RAP1GDS1: variants seen among roughly 807,000 people sequenced by gnomAD.
RAP1GDS1 encodes Rap1 GTPase-GDP dissociation stimulator 1.
In RAP1GDS1, 35 loss-of-function variants were observed where a neutral mutation model predicts 71.1. That is an observed-to-expected ratio of 0.49 (90% CI 0.38 to 0.65). The LOEUF is 0.65. Among genes scored for constraint, RAP1GDS1 ranks in the 30% least tolerant of loss-of-function variants. RAP1GDS1 has a pLI of 0.00. For synonymous variants in RAP1GDS1, 229 were observed against 243.1 expected, an observed-to-expected ratio of 0.94 and a Z score of 0.54; for missense variants, 663 against 706.1, an observed-to-expected ratio of 0.94 and a Z score of 0.69.
chr4:98,441,653 G>A, intron 14 of RAP1GDS1: 1 of 964,126 alleles, frequency 1.0e-6, no homozygotes, highest in Non-Finnish European at 1.2e-6. Context: ...TGTCATCCCA[G>A]CTACTTGGGA....
At chr4:98,416,017 A>G (rs1439745389) in intron 7 of RAP1GDS1, among the ~76,000 whole-genome samples, 1 of 151,988 alleles carries the variant, frequency 6.6e-6, no homozygotes, top group East Asian at 1.9e-4. Context: ...CCTGGCCTCA[A>G]GCAATCTTCC....
At position 98,391,976 on chromosome 4, in the gene RAP1GDS1, A is replaced by G. The variant is rs371029565; in HGVS notation, c.533A>G (p.Asn178Ser). Residue 178 changes from asparagine (N) to serine (S), a missense_variant, in exon 6 of 15, where the codon AAT (asparagine) becomes AGT (serine). By Grantham distance (46) the Asn-to-Ser change is conservative. Coordinates refer to ENST00000408927, the MANE Select transcript of RAP1GDS1 (RefSeq NM_001100427.2). ...ENDSLQAQLINMGVIPTLVKL... is the reference protein window; with the variant it reads ...ENDSLQAQLISMGVIPTLVKL... Reference sequence around the variant, plus strand: ...GATTCGCTTCAAGCTCAGCTTATCAATATGGGTGTTATTCCTACCTTAGTG... The same window carrying G: ...GATTCGCTTCAAGCTCAGCTTATCAGTATGGGTGTTATTCCTACCTTAGTG... 2.1e-4 allele frequency: 337 copies of G among 1,609,216 alleles called. No homozygotes were observed. The highest frequency in any genetic ancestry group is 2.8e-4 in the Non-Finnish European group (327 of 1,177,626).
At chr4:98,359,380 A>G (rs1333823483) in intron 4 of RAP1GDS1, among the ~76,000 whole-genome samples, 1 of 152,198 alleles carries the variant, frequency 6.6e-6, no homozygotes, top group Non-Finnish European at 1.5e-5. Flanking sequence ...AGAGAATAAA[A>G]GACAGAAGAT....
At chr4:98,434,803 T>G (rs1750927397) in intron 13 of RAP1GDS1, among the ~76,000 whole-genome samples, 1 of 152,026 alleles carries the variant, frequency 6.6e-6, no homozygotes, top group Non-Finnish European at 1.5e-5. Context: ...GTATGTTTTG[T>G]AGAGACAGGG....
chr4:98,274,437 T>G (rs1230230301), intron 1 of RAP1GDS1, among the ~76,000 whole-genome samples: 2 of 152,146 alleles, frequency 1.3e-5, no homozygotes, highest in African/African-American at 2.4e-5. Context: ...TAAATTAATG[T>G]TTTCCCTACT....
intron 1 of RAP1GDS1, 115 bp from the exon 2 acceptor site, chr4:98,293,293 G>T (rs936904461): frequency 4.5e-6 from 3 of 659,690 alleles, no homozygotes; most frequent in Non-Finnish European, 7.7e-6. Flanking sequence ...GTACGTGGAG[G>T]TTAATTTGCT....
At chr4:98,310,122 T>C (rs1026651329) in intron 2 of RAP1GDS1, among the ~76,000 whole-genome samples, 1 of 152,104 alleles carries the variant, frequency 6.6e-6, no homozygotes, top group Non-Finnish European at 1.5e-5. Flanking sequence ...TATACAGTTA[T>C]ATCATGCTTT....
intron 2 of RAP1GDS1, among the ~76,000 whole-genome samples, chr4:98,295,258 G>A (rs532661331): frequency 6.6e-6 from 1 of 152,186 alleles, no homozygotes; most frequent in African/African-American, 2.4e-5. Context: ...GTGAAATTGT[G>A]TATCACAAAA....
chr4:98,272,261 C>T (rs957947302), intron 1 of RAP1GDS1, among the ~76,000 whole-genome samples: 1 of 152,166 alleles, frequency 6.6e-6, no homozygotes, highest in Admixed American at 6.5e-5. Context: ...AAAATAGGAA[C>T]ATTAAAATCA....
chr4:98,384,837 A>G (rs982501337), intron 5 of RAP1GDS1, among the ~76,000 whole-genome samples: 2 of 151,696 alleles, frequency 1.3e-5, no homozygotes, highest in African/African-American at 4.8e-5. Flanking sequence ...ATTTGGCATT[A>G]TATTATTACA....
At chr4:98,262,827 G>A (rs1560737561) in intron 1 of RAP1GDS1, among the ~76,000 whole-genome samples, 1 of 152,184 alleles carries the variant, frequency 6.6e-6, no homozygotes, top group Non-Finnish European at 1.5e-5. Context: ...TTCTGGAACA[G>A]CAAATGCTTC....
rs1384399349 is a variant in RAP1GDS1 at position 98,441,994 on chromosome 4, T to G, written c.1701T>G (p.Cys567Trp). The G allele has an allele frequency of 6.2e-7, 1 of 1,613,684 alleles. No individual in the cohort carries two copies. Among genetic ancestry groups the G allele is most frequent in the African/African-American group, 1.3e-5 (1 of 74,916 alleles). ...VLICALMGSE[C>W]LHKEVQDLAF... is the part of the protein sequence containing the mutation. Reference sequence around the variant, plus strand: ...TGTTATTTTTTTGTCTTCCAGAATGTCTACACAAGGAAGTACAGGATTTGG... The same window carrying G: ...TGTTATTTTTTTGTCTTCCAGAATGGCTACACAAGGAAGTACAGGATTTGG... The change falls in exon 15 of 15, where the codon TGT becomes TGG. Residue 567 changes from cysteine to tryptophan, a missense_variant. Physicochemically the swap from Cys to Trp is radical, Grantham distance 215. Coordinates refer to ENST00000408927, the MANE Select transcript of RAP1GDS1 (RefSeq NM_001100427.2).
rs1182027000 is a variant in RAP1GDS1 at position 98,293,199 on chromosome 4, A to C, written c.5-209A>C. 3.9e-5 allele frequency among the ~76,000 whole-genome samples: 6 copies of C among 152,318 alleles called. No homozygotes were observed. In the South Asian group the frequency reaches 1.2e-3, roughly 32 times the overall value. On this transcript the variant is annotated intron_variant, in intron 1 of 14. Transcript: ENST00000408927. The stretch of plus-strand genomic sequence containing the variant: ...ATATTCCTGGTATCTTACACATAGC[A>C]GAATGAATATTTCATATCTGAGTTA...
chr4:98,381,598 C>T (rs1159829150), intron 5 of RAP1GDS1, among the ~76,000 whole-genome samples: 3 of 151,436 alleles, frequency 2.0e-5, no homozygotes, highest in Admixed American at 6.6e-5. Context: ...CTTTTTGAAA[C>T]TCAGGAGGCA....
At chr4:98,289,530 C>A (rs568491497) in intron 1 of RAP1GDS1, among the ~76,000 whole-genome samples, 2 of 125,738 alleles carry the variant, frequency 1.6e-5, no homozygotes, top group South Asian at 2.5e-4. Context: ...AGTTTCTGAT[C>A]GGTTTAGGAC....
At chr4:98,305,259 G>A (rs879322129) in intron 2 of RAP1GDS1, among the ~76,000 whole-genome samples, 6 of 152,066 alleles carry the variant, frequency 3.9e-5, no homozygotes, top group Non-Finnish European at 8.8e-5. Context: ...ATTACTTTGG[G>A]CAGTATGGCC....
At chr4:98,388,532 C>T (rs1269467040) in intron 5 of RAP1GDS1, among the ~76,000 whole-genome samples, 1 of 152,154 alleles carries the variant, frequency 6.6e-6, no homozygotes, top group African/African-American at 2.4e-5. Context: ...TCGAGACCAA[C>T]CTGTCCAACA....
At position 98,442,819 on chromosome 4, in the gene RAP1GDS1, G is replaced by T. The variant is rs899929802; in HGVS notation, c.*702G>T. 4.3e-6 allele frequency: 1 copy of T among 230,000 alleles called. No homozygotes were observed. Among genetic ancestry groups the T allele is most frequent in the South Asian group, 1.8e-4 (1 of 5,516 alleles). The allele number at this position is 230,000 out of a possible 1,614,324, so 14.2% of individuals were successfully genotyped here. On this transcript the variant is annotated 3_prime_UTR_variant, in exon 15 of 15. Transcript: ENST00000408927. ...GTTTTCAGTGTGAAACTAAGGGGTTGAAGAATCACTATTACAATCCCTATT... is the reference window on the plus strand; with the variant it reads ...GTTTTCAGTGTGAAACTAAGGGGTTTAAGAATCACTATTACAATCCCTATT...
intron 6 of RAP1GDS1, chr4:98,396,399 T>G (rs997367566): frequency 6.6e-6 from 1 of 152,242 alleles, no homozygotes; most frequent in East Asian, 1.9e-4. Flanking sequence ...TGCTGATTTC[T>G]CTGGTATACA....
Sources: gnomAD v4.1 joint callset for allele counts (sites outside exome capture counted in the v4.1 genomes callset) on GRCh38, gnomAD v4.1.1 for gene constraint, MANE v1.5 for transcripts, NCBI Gene and HGNC (gene_info 2026-07-23, HGNC 2026-07-21) for gene names.